The following AKAP19 variants were observed in gnomAD, a reference collection of about 807,000 sequenced individuals.
AKAP19 encodes the protein small A-kinase anchoring protein.
chr2:190,037,754 G>A, the AKAP19 span, among the ~76,000 whole-genome samples: 10 of 152,116 alleles, frequency 6.6e-5, no homozygotes, highest in Non-Finnish European at 1.2e-4. Flanking sequence ...CATGTCTACC[G>A]GGGTTCAATT....
the AKAP19 span, among the ~76,000 whole-genome samples, chr2:190,004,663 T>C: frequency 6.6e-6 from 1 of 152,106 alleles, no homozygotes; most frequent in African/African-American, 2.4e-5. Flanking sequence ...TCTATCATTA[T>C]AATCATTTTG....
the AKAP19 span, chr2:189,923,512 T>C: frequency 1.9e-6 from 3 of 1,613,862 alleles, no homozygotes; most frequent in Non-Finnish European, 1.7e-6. Flanking sequence ...AGTATGTTAA[T>C]GAGAGAAATG....
At chr2:189,909,847 G>C in the AKAP19 span, among the ~76,000 whole-genome samples, 49 of 151,928 alleles carry the variant, frequency 3.2e-4, no homozygotes, top group African/African-American at 1.2e-3. Context: ...ATGGTCATTT[G>C]TATGTTTCTT....
chr2:189,900,047 A>G, the AKAP19 span, among the ~76,000 whole-genome samples: 3 of 152,182 alleles, frequency 2.0e-5, no homozygotes, highest in Non-Finnish European at 4.4e-5. Flanking sequence ...CATGAACAGT[A>G]AATATAGTCA....
the AKAP19 span, among the ~76,000 whole-genome samples, chr2:190,177,124 A>AT: frequency 1.3e-5 from 2 of 151,642 alleles, no homozygotes; most frequent in African/African-American, 2.4e-5. The surrounding 1 kb of genome is among the most constrained non-coding windows in gnomAD (Gnocchi z 4.6). Flanking sequence ...CCATAATGGT[A>AT]TTTTTTTTCT....
At chr2:190,112,266 G>A in the AKAP19 span, among the ~76,000 whole-genome samples, 1 of 152,080 alleles carries the variant, frequency 6.6e-6, no homozygotes, top group Admixed American at 6.6e-5. Context: ...GTTGATTTAT[G>A]TAGGGAGACT....
chr2:189,917,354 AT>A, the AKAP19 span: 1 of 1,200,068 alleles, frequency 8.3e-7, no homozygotes, highest in Non-Finnish European at 1.2e-6. Context: ...ATGCAATAGT[AT>A]TTTAGATCAG....
the AKAP19 span, among the ~76,000 whole-genome samples, chr2:190,065,923 A>G: frequency 6.6e-6 from 1 of 152,162 alleles, no homozygotes; most frequent in South Asian, 2.1e-4. Context: ...AGGGCTCACC[A>G]GCTATAGGAA....
At chr2:190,081,954 G>T in the AKAP19 span, among the ~76,000 whole-genome samples, 1 of 152,088 alleles carries the variant, frequency 6.6e-6, no homozygotes, top group Admixed American at 6.5e-5. Context: ...TCCCCTAGGG[G>T]CTAAATAGAA....
the AKAP19 span, among the ~76,000 whole-genome samples, chr2:189,963,667 G>A: frequency 6.6e-6 from 1 of 152,030 alleles, no homozygotes; most frequent in Admixed American, 6.6e-5. Context: ...AATCACAAAT[G>A]TTCTTAATGG....
the AKAP19 span, among the ~76,000 whole-genome samples, chr2:190,093,883 G>T: frequency 4.6e-5 from 7 of 152,228 alleles, no homozygotes; most frequent in Non-Finnish European, 1.0e-4. Context: ...GCTAGCAGCA[G>T]TCAGAGACGA....
At chr2:190,133,598 A>G in the AKAP19 span, among the ~76,000 whole-genome samples, 1 of 152,218 alleles carries the variant, frequency 6.6e-6, no homozygotes, top group African/African-American at 2.4e-5. Context: ...ACTGTTCACA[A>G]TAACCAAGAT....
the AKAP19 span, among the ~76,000 whole-genome samples, chr2:189,902,370 T>A: frequency 6.6e-6 from 1 of 152,054 alleles, no homozygotes; most frequent in African/African-American, 2.4e-5. Context: ...TTTATTTTTG[T>A]ATTTTTGGAG....
chr2:189,918,194 C>T, the AKAP19 span, among the ~76,000 whole-genome samples: 2 of 151,976 alleles, frequency 1.3e-5, no homozygotes, highest in South Asian at 4.2e-4. Context: ...CTTGTTGTTT[C>T]ATCCATTAAA....
chr2:189,914,442 G>C, the AKAP19 span, among the ~76,000 whole-genome samples: 1 of 151,956 alleles, frequency 6.6e-6, no homozygotes, highest in South Asian at 2.1e-4. Context: ...CCTTGTTCAT[G>C]AATATGAAGG....
chr2:190,137,762 G>A, the AKAP19 span: 1 of 152,290 alleles, frequency 6.6e-6, no homozygotes, highest in Admixed American at 6.5e-5. Flanking sequence ...GAGTGGCTGG[G>A]AGCCAGCTGT....
the AKAP19 span, among the ~76,000 whole-genome samples, chr2:190,014,302 T>C: frequency 6.6e-6 from 1 of 152,088 alleles, no homozygotes; most frequent in African/African-American, 2.4e-5. Context: ...CTCAGGAAAC[T>C]TACAATAATG....
chr2:190,010,608 CAT>C, the AKAP19 span, among the ~76,000 whole-genome samples: 1 of 152,118 alleles, frequency 6.6e-6, no homozygotes, highest in Middle Eastern at 3.2e-3. Context: ...GAAGATTAGT[CAT>C]AAATTCAAAG....
At chr2:189,988,592 C>A in the AKAP19 span, among the ~76,000 whole-genome samples, 1 of 152,190 alleles carries the variant, frequency 6.6e-6, no homozygotes, top group East Asian at 1.9e-4. Flanking sequence ...TTCTAGATAT[C>A]TTGGACTTTG....
Sources: allele counts gnomAD v4.1 joint callset (sites outside exome capture counted in the v4.1 genomes callset), GRCh38; gene constraint gnomAD v4.1.1; non-coding constraint Gnocchi (gnomAD v3.1); transcripts MANE v1.5; gene names NCBI Gene and HGNC (gene_info 2026-07-23, HGNC 2026-07-21).